Variants in XYLB observed in about 807,000 individuals in gnomAD.
XYLB encodes the protein xylulokinase.
A neutral mutation model predicts 78.7 loss-of-function variants in XYLB; 62 were observed. The observed-to-expected ratio is 0.79, with a 90% CI of 0.64 to 0.97. The LOEUF (loss-of-function observed/expected upper bound fraction) is 0.97. XYLB is among the 50% of genes least tolerant of loss of function. The probability of loss-of-function intolerance (pLI) is 0.00; values close to 1 mark genes in which losing one functional copy is unlikely to be tolerated. For synonymous variants in XYLB, 245 were observed against 247.4 expected (o/e 0.99, Z 0.09); for missense variants, 687 against 676.8 (o/e 1.02, Z -0.17).
intron 2 of XYLB, among the ~76,000 whole-genome samples, chr3:38,359,584 T>C (rs189794602): frequency 6.6e-6 from 1 of 152,386 alleles, no homozygotes; most frequent in East Asian, 1.9e-4. Flanking sequence ...ATATTTTTTC[T>C]TGCTCTGTAG....
chr3:38,418,322 C>G (rs1046945186), downstream of XYLB, among the ~76,000 whole-genome samples: 7 of 151,660 alleles, frequency 4.6e-5, no homozygotes, highest in Non-Finnish European at 1.0e-4. Flanking sequence ...TGATAAAATT[C>G]TGTGTTACCA....
rs2125684431 is a variant in XYLB, at chr3:38,414,259, A to T, written c.*1246A>T. 1 of 152,334 alleles carries T rather than the reference A, an allele frequency of 6.6e-6. No homozygotes were observed. Among genetic ancestry groups the T allele is most frequent in the East Asian group, 1.9e-4 (1 of 5,184 alleles). 9.4% of individuals were successfully genotyped at this position (152,334 alleles called of 1,614,324 possible). ...AAGTTAAAAGGAAGGGGCTTAGAAA[A>T]TGAATGGGACCAAAGGCATCACTTC... On this transcript the variant is annotated 3_prime_UTR_variant, in exon 19 of 19. Transcript: ENST00000207870.
At chr3:38,436,163 A>G in the XYLB span, among the ~76,000 whole-genome samples, 1 of 152,158 alleles carries the variant, frequency 6.6e-6, no homozygotes, top group Non-Finnish European at 1.5e-5. Context: ...GATAAACAAC[A>G]TGGATAAATC....
the XYLB span, among the ~76,000 whole-genome samples, chr3:38,436,510 C>T: frequency 6.6e-6 from 1 of 152,118 alleles, no homozygotes; most frequent in Non-Finnish European, 1.5e-5. Context: ...CTAATACCAA[C>T]CCTCCTAAAA....
chr3:38,361,614 T>A (rs1705978595), intron 3 of XYLB, among the ~76,000 whole-genome samples: 3 of 152,098 alleles, frequency 2.0e-5, no homozygotes, highest in Non-Finnish European at 4.4e-5. Flanking sequence ...CCAGTGATGA[T>A]GTCGAGGGCA....
At position 38,395,453 on chromosome 3, in the gene XYLB, C is replaced by T. The variant is rs916572759; in HGVS notation, c.1292-52C>T. The stretch of plus-strand genomic sequence containing the variant: ...AAGAACTCTGCAAAAACAGCCCTTT[C>T]TGCCTTGGGAGAACTGGCATAGCTA... On this transcript the variant is annotated intron_variant, in intron 15 of 18. Transcript: ENST00000207870. 8.8e-6 allele frequency: 14 copies of T among 1,585,096 alleles called. No individual in the cohort carries two copies. In the African/African-American group the frequency reaches 1.9e-4, roughly 21 times the overall value.
downstream of XYLB, among the ~76,000 whole-genome samples, chr3:38,424,072 T>C (rs1334680635): frequency 6.6e-6 from 1 of 152,210 alleles, no homozygotes; most frequent in East Asian, 1.9e-4. Flanking sequence ...TCACAAACCC[T>C]TGGCAATTAA....
Position 38,351,805 on chromosome 3 carries a change from A to G in XYLB, c.140+3173A>G, listed in dbSNP as rs562534621. ...TTTTTTAAAACCTTTAAAATTTTAC[A>G]TCACAGTTTTGAGATTCATCCATGT... On this transcript the variant is annotated intron_variant, in intron 2 of 18. Coordinates refer to ENST00000207870, the MANE Select transcript of XYLB (RefSeq NM_005108.4). Among the ~76,000 whole-genome samples the G allele has an allele frequency of 5.3e-5, 8 of 152,340 alleles. No homozygotes were observed. In the East Asian group the frequency reaches 1.2e-3, roughly 22 times the overall value.
chr3:38,409,002 T>A (rs1462012870), intron 18 of XYLB, among the ~76,000 whole-genome samples: 1 of 151,964 alleles, frequency 6.6e-6, no homozygotes, highest in Non-Finnish European at 1.5e-5. Flanking sequence ...TTCCAATCAA[T>A]AGAAAAAGAG....
intron 2 of XYLB, among the ~76,000 whole-genome samples, chr3:38,350,999 C>T (rs1181935548): frequency 6.6e-6 from 1 of 151,362 alleles, no homozygotes; most frequent in Non-Finnish European, 1.5e-5. Flanking sequence ...AAAAAATTAG[C>T]TGGACGTGGT....
intron 15 of XYLB, among the ~76,000 whole-genome samples, chr3:38,387,227 T>C (rs1707419478): frequency 6.6e-6 from 1 of 152,218 alleles, no homozygotes. Context: ...TTCAAATATT[T>C]ATTTTTCCCT....
chr3:38,379,174 C>T (rs746336782), intron 14 of XYLB, 72 bp from the exon 15 acceptor site: 278 of 1,473,908 alleles, frequency 1.9e-4, no homozygotes, highest in South Asian at 3.4e-4. Flanking sequence ...AGATCACACA[C>T]AGACACACAC....
chr3:38,395,566 A>G lies in XYLB; in HGVS notation c.1350+3A>G, dbSNP rs1707836201. 2.5e-6 allele frequency: 4 copies of G among 1,613,972 alleles called. No individual in the cohort carries two copies. Among genetic ancestry groups the G allele is most frequent in the African/African-American group, 1.3e-5 (1 of 74,926 alleles). On this transcript the variant is annotated splice_donor_region_variant and intron_variant, in intron 16 of 18. Transcript: ENST00000207870. ...CTCACAATAGAGAAATCTTACAGGT[A>G]AGCGTTAGTAGTGGGCCTTACACCA...
chr3:38,398,186 T>G (rs1423502215), intron 17 of XYLB, among the ~76,000 whole-genome samples: 1 of 151,456 alleles, frequency 6.6e-6, no homozygotes, highest in Non-Finnish European at 1.5e-5. Flanking sequence ...ATAATTAACC[T>G]TGGCCGGGTG....
At chr3:38,355,087 T>C (rs1174760641) in intron 2 of XYLB, among the ~76,000 whole-genome samples, 3 of 152,244 alleles carry the variant, frequency 2.0e-5, no homozygotes, top group Admixed American at 2.0e-4. Context: ...TCCCTACCTG[T>C]TGATTTGCTT....
At chr3:38,429,574 ATTATAC>A in the XYLB span, among the ~76,000 whole-genome samples, 10 of 152,110 alleles carry the variant, frequency 6.6e-5, no homozygotes, top group African/African-American at 2.4e-4. Context: ...ATTTTTTATT[ATTATAC>A]TTTAAGTTCT....
chr3:38,385,514 T>G (rs1306237919), intron 15 of XYLB, among the ~76,000 whole-genome samples: 1 of 152,248 alleles, frequency 6.6e-6, no homozygotes, highest in Non-Finnish European at 1.5e-5. Flanking sequence ...TTTAGCTCAT[T>G]TATTCCTATC....
chr3:38,420,604 G>A (rs1380114308), exon 18 of XYLB, among the ~76,000 whole-genome samples: 3 of 152,172 alleles, frequency 2.0e-5, no homozygotes, highest in Non-Finnish European at 4.4e-5. Flanking sequence ...ATCTTAGTTA[G>A]ATGTTTTCTT....
downstream of XYLB, among the ~76,000 whole-genome samples, chr3:38,425,214 T>C (rs1162364109): frequency 6.6e-6 from 1 of 152,246 alleles, no homozygotes; most frequent in Non-Finnish European, 1.5e-5. Flanking sequence ...AGGGGAATCT[T>C]CTGCCTGTAT....
Sources: allele counts gnomAD v4.1 joint callset (sites outside exome capture counted in the v4.1 genomes callset), GRCh38; gene constraint gnomAD v4.1.1; transcripts MANE v1.5; gene names NCBI Gene and HGNC (gene_info 2026-07-23, HGNC 2026-07-21).